The following PTPRD variants were observed in gnomAD, a reference collection of about 807,000 sequenced individuals.
PTPRD encodes the protein protein tyrosine phosphatase receptor type D.
In PTPRD, 34 loss-of-function variants were observed where a neutral mutation model predicts 214.5. The observed-to-expected ratio is 0.16, with a 90% confidence interval of 0.12 to 0.21. The LOEUF is 0.21. PTPRD is among the 10% of genes least tolerant of loss of function. The pLI is 1.00. For missense variants in PTPRD, 2,545 were observed against 2,398.7 expected, an observed-to-expected ratio of 1.06 and a Z score of -1.27; for synonymous variants, 1,128 against 845.7, an observed-to-expected ratio of 1.33 and a Z score of -5.79.
chr9:9,397,270 C>T (rs1296663832), intron 9 of PTPRD, among the ~76,000 whole-genome samples, 179 bp downstream of exon 9: 1 of 151,916 alleles, frequency 6.6e-6, no homozygotes, highest in East Asian at 1.9e-4. Flanking sequence ...TGGTTGAAAA[C>T]TAAAGTCTTA....
chr9:9,242,511 T>A (rs1198806859), intron 9 of PTPRD, among the ~76,000 whole-genome samples: 1 of 152,188 alleles, frequency 6.6e-6, no homozygotes, highest in African/African-American at 2.4e-5. Flanking sequence ...TCTTTTCACA[T>A]AGTCCCATAT....
rs764403016 is a variant in PTPRD at position 9,131,997 on chromosome 9, TTTTG to T, written c.-143+51303_-143+51306del. Among the ~76,000 whole-genome samples the T allele has an allele frequency of 6.7e-4, 101 of 151,852 alleles. 2 individuals are homozygous for T. Among genetic ancestry groups the T allele is most frequent in the Non-Finnish European group, 9.7e-4 (66 of 67,884 alleles). On this transcript the variant is annotated intron_variant, in intron 10 of 45. Transcript: ENST00000381196. The stretch of plus-strand genomic sequence containing the variant: ...TGAGCCTAAGTAAGGGCCACTAGTT[TTTTG>T]TTTGTTTGTTTGTTTGTTTGTTTTG...
intron 2 of PTPRD, among the ~76,000 whole-genome samples, chr9:10,553,622 G>C (rs1308409212): frequency 2.0e-5 from 3 of 151,872 alleles, no homozygotes; most frequent in Non-Finnish European, 4.4e-5. Flanking sequence ...TTATTTACTT[G>C]TCAATATATT....
chr9:10,190,273 G>A (rs980915514), intron 3 of PTPRD, among the ~76,000 whole-genome samples: 1 of 151,376 alleles, frequency 6.6e-6, no homozygotes, highest in African/African-American at 2.4e-5. Context: ...GGCTGAGACA[G>A]GACAATTGCT....
intron 5 of PTPRD, among the ~76,000 whole-genome samples, chr9:9,826,929 A>C (rs1257431296): frequency 6.6e-6 from 1 of 152,134 alleles, no homozygotes; most frequent in Non-Finnish European, 1.5e-5. Flanking sequence ...TAAAATATCT[A>C]GGAATCCAAC....
intron 2 of PTPRD, among the ~76,000 whole-genome samples, chr9:10,533,086 A>G (rs1349140743): frequency 6.6e-6 from 1 of 151,984 alleles, no homozygotes; most frequent in Non-Finnish European, 1.5e-5. Flanking sequence ...GTTATTAAAA[A>G]CAGTCTGGCA....
chr9:10,074,359 T>C (rs1311694863), intron 3 of PTPRD, among the ~76,000 whole-genome samples: 2 of 152,108 alleles, frequency 1.3e-5, no homozygotes, highest in East Asian at 1.9e-4. Context: ...GCCACTGCCA[T>C]GTCTAGAAAC....
chr9:9,427,629 AAAG>A lies in PTPRD; in HGVS notation c.-236-30150_-236-30148del, dbSNP rs1413580209. ...TAATTGTCAGATTTACCAAAGTTGAAAAGAAGGAGAAAATGTTAAGGGCAGCCA... is the reference window on the plus strand; with the variant it reads ...TAATTGTCAGATTTACCAAAGTTGAAAAGGAGAAAATGTTAAGGGCAGCCA... On this transcript the variant is annotated intron_variant, in intron 8 of 45. Transcript: ENST00000381196. 2.0e-4 allele frequency among the ~76,000 whole-genome samples: 31 copies of A among 152,302 alleles called. No homozygotes were observed. In the South Asian group the frequency reaches 6.0e-3, roughly 30 times the overall value.
At chr9:10,450,326 T>A (rs1389552759) in intron 2 of PTPRD, among the ~76,000 whole-genome samples, 4 of 151,742 alleles carry the variant, frequency 2.6e-5, no homozygotes, top group Non-Finnish European at 5.9e-5. Flanking sequence ...TATATAAAAA[T>A]GCATCATGTA....
At chr9:10,498,726 A>G (rs1167192619) in intron 2 of PTPRD, among the ~76,000 whole-genome samples, 2 of 151,342 alleles carry the variant, frequency 1.3e-5, no homozygotes, top group East Asian at 3.9e-4. Context: ...ATAAACTTAT[A>G]AGAAAAAAAG....
At chr9:8,689,546 C>A (rs1471983735) in intron 12 of PTPRD, among the ~76,000 whole-genome samples, 1 of 152,124 alleles carries the variant, frequency 6.6e-6, no homozygotes, top group Non-Finnish European at 1.5e-5. Flanking sequence ...AAGTGGGAAT[C>A]CCTGATAATA....
chr9:9,562,496 G>A (rs1215052480), intron 8 of PTPRD, among the ~76,000 whole-genome samples: 3 of 152,060 alleles, frequency 2.0e-5, no homozygotes, highest in Non-Finnish European at 2.9e-5. Flanking sequence ...TGCTCTTAGT[G>A]TTAAAGCCAA....
chr9:9,446,594 C>T (rs868619727), intron 8 of PTPRD, among the ~76,000 whole-genome samples: 10 of 152,042 alleles, frequency 6.6e-5, no homozygotes, highest in African/African-American at 2.4e-4. Context: ...TTATTGAGCA[C>T]CCAGTCAATG....
intron 11 of PTPRD, among the ~76,000 whole-genome samples, chr9:8,833,528 T>C (rs573249079): frequency 1.6e-5 from 2 of 128,876 alleles, no homozygotes; most frequent in African/African-American, 3.2e-5. Flanking sequence ...ATTTCCAATT[T>C]TCTTTTTTTC....
intron 11 of PTPRD, among the ~76,000 whole-genome samples, chr9:8,950,318 T>C (rs1019056642): frequency 6.6e-6 from 1 of 152,088 alleles, no homozygotes; most frequent in Non-Finnish European, 1.5e-5. Context: ...AAGGGCAAAA[T>C]TTTAAGTGCA....
chr9:9,137,937 G>T (rs371320300), intron 10 of PTPRD, among the ~76,000 whole-genome samples: 3 of 152,100 alleles, frequency 2.0e-5, no homozygotes, highest in Admixed American at 6.5e-5. Flanking sequence ...TTCCCCAAAA[G>T]AATTCATGCA....
At chr9:8,590,430 G>C (rs946099897) in intron 14 of PTPRD, among the ~76,000 whole-genome samples, 1 of 152,044 alleles carries the variant, frequency 6.6e-6, no homozygotes, top group East Asian at 1.9e-4. Context: ...TCAGAGGGTG[G>C]GTAGAAAGTT....
At chr9:10,170,458 G>A (rs1165106281) in intron 3 of PTPRD, among the ~76,000 whole-genome samples, 1 of 152,110 alleles carries the variant, frequency 6.6e-6, no homozygotes, top group African/African-American at 2.4e-5. Context: ...TTGGGAGGCC[G>A]AGGCAGGCAG....
chr9:10,354,304 C>A (rs1025101348), intron 2 of PTPRD, among the ~76,000 whole-genome samples: 2 of 152,106 alleles, frequency 1.3e-5, no homozygotes, highest in African/African-American at 4.8e-5. Flanking sequence ...TTCTATTTAT[C>A]TTTTATCTCT....
Sources: gnomAD v4.1 joint callset for allele counts (sites outside exome capture counted in the v4.1 genomes callset) on GRCh38, gnomAD v4.1.1 for gene constraint, MANE v1.5 for transcripts, NCBI Gene and HGNC (gene_info 2026-07-23, HGNC 2026-07-21) for gene names.